The following IL17F variants were observed in gnomAD, a reference collection of about 807,000 sequenced individuals.
The protein encoded by IL17F is interleukin 17F, also known as interleukin-17F.
IL17F carries 6 observed loss-of-function variants against 8.3 expected under a neutral mutation model. That is an observed-to-expected ratio of 0.73 (90% CI 0.40 to 1.43). The LOEUF is 1.43. Ranked by LOEUF, IL17F falls within the 40% of genes most tolerant of loss-of-function variation. The pLI, the probability that IL17F is intolerant of heterozygous loss-of-function variation, is 0.02. For synonymous variants in IL17F, 98 were observed against 81.6 expected, an observed-to-expected ratio of 1.20 and a Z score of -1.08; for missense variants, 204 against 209.6, an observed-to-expected ratio of 0.97 and a Z score of 0.17.
chr6:52,239,934 A>G (rs1347561415), intron 1 of IL17F, among the ~76,000 whole-genome samples: 1 of 152,030 alleles, frequency 6.6e-6, no homozygotes. Flanking sequence ...GCTCTGGAGC[A>G]TTTTTTTTAT....
upstream of IL17F, among the ~76,000 whole-genome samples, chr6:52,245,683 G>T (rs1485018472): frequency 6.6e-6 from 1 of 152,172 alleles, no homozygotes; most frequent in Non-Finnish European, 1.5e-5. Context: ...ATCCTCTTGG[G>T]CCTTTTATGG....
chr6:52,244,649 G>T, upstream of IL17F: 1 of 582,412 alleles, frequency 1.7e-6, no homozygotes, highest in Non-Finnish European at 3.0e-6. Context: ...GGAACAAAAG[G>T]GGGACCCTAA....
upstream of IL17F, chr6:52,244,598 A>T: frequency 1.5e-6 from 1 of 656,994 alleles, no homozygotes. Flanking sequence ...GGAGTTACTG[A>T]CGAATGCAGG....
chr6:52,237,544 C>T (rs189540199), intron 2 of IL17F, among the ~76,000 whole-genome samples: 9 of 152,104 alleles, frequency 5.9e-5, no homozygotes, highest in African/African-American at 1.9e-4. Context: ...GGAGATTGAA[C>T]GTCACTAGTC....
intron 1 of IL17F, 96 bp from the exon 2 acceptor site, chr6:52,239,046 A>G: frequency 9.2e-7 from 1 of 1,089,356 alleles, no homozygotes; most frequent in South Asian, 1.3e-5. Flanking sequence ...CTGTCCTTTT[A>G]TGGGATCAGG....
chr6:52,240,139 CAGA>C (rs1357924946), intron 1 of IL17F, among the ~76,000 whole-genome samples: 3 of 152,138 alleles, frequency 2.0e-5, no homozygotes, highest in South Asian at 4.1e-4. Context: ...CAACATAATA[CAGA>C]AGAAGAGCTG....
chr6:52,244,568 CT>C (rs1764129923), upstream of IL17F: 1 of 823,660 alleles, frequency 1.2e-6, no homozygotes, highest in Admixed American at 2.0e-5. Context: ...TGCTTACTGT[CT>C]TTAAGTTGTG....
chr6:52,241,981 C>G (rs1764083104), intron 1 of IL17F, among the ~76,000 whole-genome samples: 2 of 152,282 alleles, frequency 1.3e-5, no homozygotes, highest in Admixed American at 6.5e-5. Context: ...ATCAGGAAAT[C>G]AGATGATGTC....
chr6:52,237,715 T>C (rs1763991043), intron 2 of IL17F, among the ~76,000 whole-genome samples: 1 of 151,914 alleles, frequency 6.6e-6, no homozygotes, highest in Non-Finnish European at 1.5e-5. Context: ...AGCTTGCCAT[T>C]GTACATATTC....
intron 1 of IL17F, among the ~76,000 whole-genome samples, chr6:52,242,367 C>A (rs1427614774): frequency 6.6e-6 from 1 of 152,178 alleles, no homozygotes; most frequent in Non-Finnish European, 1.5e-5. Context: ...TAAGCATGCA[C>A]CTGGCCAACC....
At chr6:52,237,834 C>A (rs1175598312) in intron 2 of IL17F, among the ~76,000 whole-genome samples, 16 of 151,522 alleles carry the variant, frequency 1.1e-4, no homozygotes, top group Admixed American at 7.2e-4. Context: ...AGCCAAGGAG[C>A]AGGCCACCGA....
At chr6:52,239,831 C>A (rs769539495) in intron 1 of IL17F, among the ~76,000 whole-genome samples, 1 of 152,156 alleles carries the variant, frequency 6.6e-6, no homozygotes, top group Non-Finnish European at 1.5e-5. Flanking sequence ...GCAAAACCAA[C>A]GATAGCAAAG....
At chr6:52,243,483 G>A (rs2128268728) in intron 1 of IL17F, among the ~76,000 whole-genome samples, 1 of 152,264 alleles carries the variant, frequency 6.6e-6, no homozygotes, top group African/African-American at 2.4e-5. Flanking sequence ...AGTCAACACT[G>A]GGTGATTTCA....
At chr6:52,240,679 A>G (rs1198566255) in intron 1 of IL17F, among the ~76,000 whole-genome samples, 1 of 152,174 alleles carries the variant, frequency 6.6e-6, no homozygotes, top group East Asian at 1.9e-4. Context: ...AGTTGAAAGC[A>G]AGATTGACCC....
At chr6:52,238,535 T>C in intron 2 of IL17F, among the ~76,000 whole-genome samples, 195 bp downstream of exon 2, 1 of 152,228 alleles carries the variant, frequency 6.6e-6, no homozygotes, top group Non-Finnish European at 1.5e-5. Context: ...AAGCAAAATA[T>C]TAGGACCATC....
At position 52,236,867 on chromosome 6, in the gene IL17F, T is replaced by C; in HGVS notation, c.*64A>G. The C allele has an allele frequency of 7.6e-7, 1 of 1,308,462 alleles. No homozygotes were observed. Among genetic ancestry groups the C allele is most frequent in the Non-Finnish European group, 1.1e-6 (1 of 901,746 alleles). 81.1% of individuals were successfully genotyped at this position (1,308,462 alleles called of 1,614,324 possible). A position where few individuals can be genotyped will look rare whatever the true frequency, so the allele number is the denominator to read the frequency against. On this transcript the variant is annotated 3_prime_UTR_variant, in exon 3 of 3. Transcript: ENST00000336123. ...GGAATTGGGGGTCAGACAGGACTTGTTGCAGAGCACTGGGTAAGGAGTGGC... is the reference window on the plus strand; with the variant it reads ...GGAATTGGGGGTCAGACAGGACTTGCTGCAGAGCACTGGGTAAGGAGTGGC...
chr6:52,237,493 G>A (rs1362998034), intron 2 of IL17F, among the ~76,000 whole-genome samples: 1 of 151,310 alleles, frequency 6.6e-6, no homozygotes, highest in Non-Finnish European at 1.5e-5. Context: ...TCTTTCATTG[G>A]CATTATTATT....
Position 52,238,907 on chromosome 6 carries a change from C to T in IL17F, c.77G>A (p.Ser26Asn). The change falls in exon 2 of 3, where the codon AGT becomes AAT. Residue 26 changes from serine to asparagine, a missense_variant. By Grantham distance (46) the Ser-to-Asn change is conservative. Transcript: ENST00000336123. ...LLSILGLAFL[S>N]EAAARKIPKV... ...GGGGATTTTCCGAGCTGCCGCCTCA[C>T]TCAGAAAGGCAAGCCCCAATATCGA... The T allele has an allele frequency of 6.2e-7, 1 of 1,613,826 alleles. No homozygotes were observed. The highest frequency in any genetic ancestry group is 2.2e-5 in the East Asian group (1 of 44,886).
At chr6:52,239,977 A>G (rs1027822974) in intron 1 of IL17F, among the ~76,000 whole-genome samples, 2 of 152,204 alleles carry the variant, frequency 1.3e-5, no homozygotes, top group Non-Finnish European at 2.9e-5. Flanking sequence ...ATCTGGTGTT[A>G]TAGGAATGCG....
Sources: gnomAD v4.1 joint callset for allele counts (sites outside exome capture counted in the v4.1 genomes callset) on GRCh38, gnomAD v4.1.1 for gene constraint, MANE v1.5 for transcripts, NCBI Gene and HGNC (gene_info 2026-07-23, HGNC 2026-07-21) for gene names.